Variants in NRG1 observed in about 807,000 individuals in gnomAD.
The protein encoded by NRG1 is neuregulin 1.
A neutral mutation model predicts 63.8 loss-of-function variants in NRG1; 18 were observed. The observed-to-expected ratio is 0.28, with a 90% CI of 0.19 to 0.42. The LOEUF is 0.42. Ranked by LOEUF, NRG1 falls within the 10% of genes least tolerant of loss-of-function variation. NRG1 has a pLI of 1.00. For synonymous variants in NRG1, 302 were observed against 301.3 expected, an observed-to-expected ratio of 1.00 and a Z score of -0.02; for missense variants, 762 against 814.7, an observed-to-expected ratio of 0.94 and a Z score of 0.79.
intron 1 of NRG1, among the ~76,000 whole-genome samples, chr8:31,753,363 TACA>T (rs75509904): frequency 0.23 from 34,601 of 151,538 alleles, 4,821 homozygotes; most frequent in East Asian, 0.66. Context: ...GATGAGAAAC[TACA>T]ACAATTATCC....
chr8:32,487,022 G>T (rs757140929), intron 1 of NRG1, among the ~76,000 whole-genome samples: 1 of 151,722 alleles, frequency 6.6e-6, no homozygotes, highest in Non-Finnish European at 1.5e-5. Flanking sequence ...AAGTGAATAT[G>T]AAAAATCCAG....
intron 1 of NRG1, among the ~76,000 whole-genome samples, chr8:32,174,596 T>C (rs1840476730): frequency 1.3e-5 from 2 of 151,802 alleles, no homozygotes; most frequent in South Asian, 2.1e-4. Context: ...GCAAGACTAA[T>C]AAAGAAGAAA....
chr8:32,413,104 T>C (rs1434840666), intron 1 of NRG1, among the ~76,000 whole-genome samples: 1 of 152,216 alleles, frequency 6.6e-6, no homozygotes, highest in Non-Finnish European at 1.5e-5. Flanking sequence ...ATGTGCATAT[T>C]CTTTGATCTA....
chr8:31,918,925 T>C (rs1361552068), intron 1 of NRG1, among the ~76,000 whole-genome samples: 1 of 152,184 alleles, frequency 6.6e-6, no homozygotes, highest in Non-Finnish European at 1.5e-5. Context: ...CCTGGTTTAG[T>C]CTTGGGAGAG....
chr8:32,227,502 G>C (rs117135268), intron 1 of NRG1, among the ~76,000 whole-genome samples: 3 of 152,246 alleles, frequency 2.0e-5, no homozygotes, highest in East Asian at 3.9e-4. Context: ...AACTGCACAG[G>C]AAAGTTAGAG....
At chr8:32,084,447 T>C (rs1157624666) in intron 1 of NRG1, among the ~76,000 whole-genome samples, 1 of 152,180 alleles carries the variant, frequency 6.6e-6, no homozygotes, top group Non-Finnish European at 1.5e-5. Context: ...ACCGTGAATA[T>C]TAATATGTAA....
At chr8:31,642,004 T>G (rs1803838482) in intron 1 of NRG1, among the ~76,000 whole-genome samples, 1 of 152,218 alleles carries the variant, frequency 6.6e-6, no homozygotes, top group African/African-American at 2.4e-5. Context: ...CACCATTCCC[T>G]TATCTGAACA....
intron 1 of NRG1, among the ~76,000 whole-genome samples, chr8:31,692,071 A>G (rs1485365969): frequency 2.0e-5 from 3 of 152,168 alleles, no homozygotes; most frequent in Admixed American, 2.0e-4. Flanking sequence ...GGGCTCAAGC[A>G]ATCCCCCTGC....
intron 1 of NRG1, among the ~76,000 whole-genome samples, chr8:32,101,456 C>T (rs1294349053): frequency 6.7e-6 from 1 of 148,848 alleles, no homozygotes; most frequent in Non-Finnish European, 1.5e-5. Context: ...CTTTTTCATA[C>T]CTTCTTGTTT....
chr8:31,716,115 A>G (rs1052998928), intron 1 of NRG1, among the ~76,000 whole-genome samples: 8 of 152,182 alleles, frequency 5.3e-5, no homozygotes, highest in African/African-American at 1.7e-4. Context: ...AATACCCAAT[A>G]TGTAATGATA....
At chr8:32,203,237 A>T (rs7832906) in intron 1 of NRG1, among the ~76,000 whole-genome samples, 1,826 of 142,434 alleles carry the variant, frequency 0.013, 48 homozygotes, top group African/African-American at 0.045. Context: ...GGTAAGGGAA[A>T]GTGTGAGACA....
chr8:32,174,313 C>T (rs568306849), intron 1 of NRG1, among the ~76,000 whole-genome samples: 35 of 152,164 alleles, frequency 2.3e-4, no homozygotes, highest in Non-Finnish European at 1.2e-4. Context: ...ATACCAGAAT[C>T]TCTGGGACAC....
chr8:32,345,545 C>T (rs949736506), intron 1 of NRG1, among the ~76,000 whole-genome samples: 2 of 152,142 alleles, frequency 1.3e-5, no homozygotes, highest in African/African-American at 4.8e-5. Context: ...TAAAAAGACC[C>T]TCTTCTCCCA....
intron 5 of NRG1, among the ~76,000 whole-genome samples, chr8:32,679,746 T>C (rs188176512): frequency 1.8e-4 from 28 of 152,198 alleles, no homozygotes; most frequent in Non-Finnish European, 3.8e-4. Flanking sequence ...AAGTCCAATC[T>C]ATTTTTCTGA....
chr8:31,838,952 G>C (rs1335446075), intron 1 of NRG1, among the ~76,000 whole-genome samples: 1 of 151,896 alleles, frequency 6.6e-6, no homozygotes, highest in African/African-American at 2.4e-5. Context: ...AGAAATTTTT[G>C]GCATTTTTTT....
chr8:32,474,715 G>A (rs1017429385), intron 1 of NRG1, among the ~76,000 whole-genome samples: 2 of 151,888 alleles, frequency 1.3e-5, no homozygotes, highest in East Asian at 1.9e-4. Flanking sequence ...CATGTTGGCC[G>A]GGATGGTCTC....
intron 1 of NRG1, among the ~76,000 whole-genome samples, chr8:32,322,862 G>GT (rs5890637): frequency 0.39 from 57,444 of 146,852 alleles, 11,422 homozygotes; most frequent in East Asian, 0.71. Context: ...AATTCTCTGG[G>GT]TTTTTTTTTT....
At chr8:32,072,929 A>T (rs974158095) in intron 1 of NRG1, among the ~76,000 whole-genome samples, 3 of 152,066 alleles carry the variant, frequency 2.0e-5, no homozygotes, top group Non-Finnish European at 4.4e-5. Flanking sequence ...CTCTTGTGTG[A>T]AGGGGAATTT....
At chr8:31,730,897 A>G (rs1563337227) in intron 1 of NRG1, among the ~76,000 whole-genome samples, 1 of 152,184 alleles carries the variant, frequency 6.6e-6, no homozygotes, top group Non-Finnish European at 1.5e-5. Context: ...CTTAGTATCT[A>G]TGATTTTTAA....
Sources: allele counts gnomAD v4.1 joint callset (sites outside exome capture counted in the v4.1 genomes callset), GRCh38; gene constraint gnomAD v4.1.1; transcripts MANE v1.5; gene names NCBI Gene and HGNC (gene_info 2026-07-23, HGNC 2026-07-21).